CDH23: variants seen among roughly 807,000 people sequenced by gnomAD.
CDH23 encodes the protein cadherin related 23.
A neutral mutation model predicts 317.1 loss-of-function variants in CDH23; 189 were observed. The ratio of observed to expected loss-of-function variants is 0.60; its 90% CI spans 0.53 to 0.67. The LOEUF (loss-of-function observed/expected upper bound fraction) is 0.67, where lower values mean the gene tolerates loss of function less well. Among genes scored for constraint, CDH23 ranks in the 30% least tolerant of loss-of-function variants. The probability of loss-of-function intolerance (pLI) is 0.00; values close to 1 mark genes in which losing one functional copy is unlikely to be tolerated. For missense variants in CDH23, 4,401 were observed against 4,592.4 expected (o/e 0.96, Z 1.20); for synonymous variants, 1,839 against 1,876.8 (o/e 0.98, Z 0.52).
intron 11 of CDH23, 72 bp from the exon 12 acceptor site, chr10:71,643,789 C>T (rs547515909): frequency 1.3e-6 from 1 of 762,000 alleles, no homozygotes; most frequent in South Asian, 1.4e-5. Flanking sequence ...CTGGTTCCTT[C>T]CTCCTCTCCA....
rs61481944 is a variant in CDH23, at chr10:71,716,675, T to G, written c.3369+3862T>G. 1.4e-3 allele frequency: 322 copies of G among 233,542 alleles called. 1 individual carries two copies. The highest frequency in any genetic ancestry group is 6.7e-3 in the African/African-American group (297 of 44,498). 14.5% of individuals were successfully genotyped at this position (233,542 alleles called of 1,614,324 possible). A position where few individuals can be genotyped will look rare whatever the true frequency, so the allele number is the denominator to read the frequency against. The stretch of plus-strand genomic sequence containing the variant: ...TCACAGGGTCTTAGGCCTGGAAACT[T>G]AAGACCAACTCTGTCAATAACTTGC... On this transcript the variant is annotated intron_variant, in intron 28 of 69. Transcript: ENST00000224721.
chr10:71,575,562 A>T (rs903630347), intron 8 of CDH23, among the ~76,000 whole-genome samples: 86 of 151,964 alleles, frequency 5.7e-4, no homozygotes, highest in Non-Finnish European at 1.0e-3. Flanking sequence ...AGGCCTGCAC[A>T]CTGTAGCCTC....
At chr10:71,703,646 G>T (rs1311518495) in intron 24 of CDH23, among the ~76,000 whole-genome samples, 2 of 152,226 alleles carry the variant, frequency 1.3e-5, no homozygotes, top group African/African-American at 4.8e-5. Flanking sequence ...TGTTTGTCAG[G>T]ATGCCAGAGG....
chr10:71,738,741 C>T, intron 35 of CDH23, 94 bp downstream of exon 35: 1 of 1,434,570 alleles, frequency 7.0e-7, no homozygotes, highest in Non-Finnish European at 9.4e-7. Flanking sequence ...ACCCCCATCA[C>T]CAAGCACCAG....
chr10:71,799,726 C>A, intron 52 of CDH23, 97 bp downstream of exon 52: 1 of 1,530,738 alleles, frequency 6.5e-7, no homozygotes, highest in Non-Finnish European at 9.0e-7. Flanking sequence ...CCCTCTGGGT[C>A]TTGTCGCCTG....
At position 71,679,416 on chromosome 10, in the gene CDH23, C is replaced by A; in HGVS notation, c.1782C>A (p.Asn594Lys). The A allele has an allele frequency of 6.2e-7, 1 of 1,610,986 alleles. No homozygotes were observed. The highest frequency in any genetic ancestry group is 8.5e-7 in the Non-Finnish European group (1 of 1,177,986). ...RATDEDSPPNNQITYSIVSAS... is the reference protein window; with the variant it reads ...RATDEDSPPNKQITYSIVSAS... ...CAGATGAAGACTCCCCTCCCAACAA[C>A]CAGATCACCTACAGCATTGTCAGTG... Residue 594 changes from asparagine (N) to lysine (K), a missense_variant, in exon 17 of 70, where the codon AAC becomes AAA. Transcript: ENST00000224721.
At position 71,566,789 on chromosome 10, in the gene CDH23, C is replaced by T. The variant is rs541559654; in HGVS notation, c.477C>T (p.Pro159=). 13 of 1,612,700 alleles carry T rather than the reference C, an allele frequency of 8.1e-6. No individual in the cohort carries two copies. The East Asian group carries it at 1.3e-4, about 17-fold the overall frequency. The stretch of plus-strand genomic sequence containing the variant: ...TCTTCATCGTGAATGCCACAGACCC[C>T]GACTTGGGGGCAGGGGGCAGCGTCC... ...TPIFIVNATD[P]DLGAGGSVLY... The change falls in exon 7 of 70, where the codon CCC becomes CCT. Residue 159 remains proline, a synonymous_variant. Coordinates refer to ENST00000224721, the MANE Select transcript of CDH23 (RefSeq NM_022124.6).
chr10:71,513,113 T>C (rs1854085651), intron 6 of CDH23, among the ~76,000 whole-genome samples: 1 of 152,196 alleles, frequency 6.6e-6, no homozygotes, highest in African/African-American at 2.4e-5. Context: ...AGGAGCCAGC[T>C]GCAAAGGACA....
Position 71,513,944 on chromosome 10 carries a change from T to A in CDH23, c.429+2732T>A, listed in dbSNP as rs139462727. ...ATCTAGGGCCCTAATAATGATGGAG[T>A]CTGTTGTGTGCAGAACCCAAGGATT... On this transcript the variant is annotated intron_variant, in intron 6 of 69. Transcript: ENST00000224721. Among the ~76,000 whole-genome samples the A allele has an allele frequency of 5.4e-4, 82 of 151,988 alleles. No homozygotes were observed. The East Asian group carries it at 0.011, about 21-fold the overall frequency.
chr10:71,443,123 T>C (rs1250565229), intron 2 of CDH23, among the ~76,000 whole-genome samples: 1 of 152,188 alleles, frequency 6.6e-6, no homozygotes, highest in African/African-American at 2.4e-5. Flanking sequence ...AGCAGGGATC[T>C]CAGCAGAGCC....
At chr10:71,715,683 C>T (rs1343382977) in intron 28 of CDH23, 4 of 359,850 alleles carry the variant, frequency 1.1e-5, no homozygotes, top group East Asian at 4.4e-5. Context: ...CAGATGACCA[C>T]GAGTGCACAT....
At chr10:71,653,380 G>T (rs933077419) in intron 14 of CDH23, among the ~76,000 whole-genome samples, 1 of 151,796 alleles carries the variant, frequency 6.6e-6, no homozygotes, top group African/African-American at 2.4e-5. Context: ...CTCTCCCTCT[G>T]CTCTGTAACT....
chr10:71,772,165 G>T (rs913526540), intron 38 of CDH23, among the ~76,000 whole-genome samples: 12 of 152,206 alleles, frequency 7.9e-5, no homozygotes, highest in African/African-American at 2.9e-4. Context: ...TCTGTGACAT[G>T]TGGAGCCCTC....
At chr10:71,782,212 G>A (rs7899470) in intron 41 of CDH23, among the ~76,000 whole-genome samples, 78,350 of 152,048 alleles carry the variant, frequency 0.52, 20,593 homozygotes, top group Middle Eastern at 0.7. Context: ...AGCCTCTCCC[G>A]CCAGCGCCTG....
intron 3 of CDH23, among the ~76,000 whole-genome samples, chr10:71,469,376 C>T (rs900837245): frequency 6.6e-6 from 1 of 152,166 alleles, no homozygotes; most frequent in Non-Finnish European, 1.5e-5. Context: ...CAGAACTTTA[C>T]GTACATGGAA....
At chr10:71,450,415 G>A (rs182578425) in intron 3 of CDH23, among the ~76,000 whole-genome samples, 39 of 152,110 alleles carry the variant, frequency 2.6e-4, no homozygotes, top group African/African-American at 9.2e-4. Context: ...ACAGGCACAC[G>A]CCACCACTCC....
intron 31 of CDH23, 128 bp from the exon 32 acceptor site, chr10:71,731,859 C>G: frequency 1.1e-6 from 1 of 894,836 alleles, no homozygotes; most frequent in Non-Finnish European, 1.7e-6. Context: ...GATGATCCTG[C>G]CGGCAGAGGT....
intron 48 of CDH23, among the ~76,000 whole-genome samples, chr10:71,796,464 G>A (rs536508008): frequency 6.6e-6 from 1 of 152,186 alleles, no homozygotes; most frequent in East Asian, 1.9e-4. Context: ...ATTTAATCAA[G>A]ACAAAGGGAT....
At chr10:71,703,537 A>G (rs1033979015) in intron 24 of CDH23, among the ~76,000 whole-genome samples, 3 of 152,230 alleles carry the variant, frequency 2.0e-5, no homozygotes, top group Non-Finnish European at 4.4e-5. Flanking sequence ...CAGGAAACAC[A>G]GTAGCTGTGG....
Sources: gnomAD v4.1 joint callset for allele counts (sites outside exome capture counted in the v4.1 genomes callset) on GRCh38, gnomAD v4.1.1 for gene constraint, MANE v1.5 for transcripts, NCBI Gene and HGNC (gene_info 2026-07-23, HGNC 2026-07-21) for gene names.